Variants in TTBK1 observed in about 807,000 individuals in gnomAD.
The protein encoded by TTBK1 is tau-tubulin kinase 1.
Under a neutral mutation model 108.5 loss-of-function variants are expected in TTBK1, and 34 were observed. The ratio of observed to expected loss-of-function variants is 0.31; its 90% CI spans 0.24 to 0.42. TTBK1 has a LOEUF of 0.42. TTBK1 is among the 10% of genes least tolerant of loss of function. TTBK1 has a pLI of 1.00. For missense variants in TTBK1, 1,539 were observed against 1,826.0 expected (o/e 0.84, Z 2.86); for synonymous variants, 809 against 795.1 (o/e 1.02, Z -0.29).
chr6:43,282,737 T>C lies in TTBK1; in HGVS notation c.1997T>C (p.Val666Ala). 6.2e-7 allele frequency: 1 copy of C among 1,604,412 alleles called. No homozygotes were observed. The change falls in exon 14 of 15, where the codon GTG becomes GCG. Residue 666 changes from valine to alanine, a missense_variant. By Grantham distance (64) the Val-to-Ala change is moderately conservative. Around this residue, in one of 5 missense-constraint regions of TTBK1, gnomAD observed 1,055 missense variants for 1,086.5 expected, o/e 0.97. Transcript: ENST00000259750. This position sits in a 1 kb window ranked among gnomAD's most constrained non-coding sequence, Gnocchi z 5.4. ...GTATGCCCCTTGCAGGTGTTCTCCG[T>C]GGCGCCCCCATTTGAGGTGAATGGC... Reference protein sequence around the residue: ...PTGPQRQVFSVAPPFEVNGLP... With the variant: ...PTGPQRQVFSAAPPFEVNGLP...
chr6:43,274,080 T>C (rs573435631), intron 13 of TTBK1, among the ~76,000 whole-genome samples: 1 of 152,252 alleles, frequency 6.6e-6, no homozygotes, highest in South Asian at 2.1e-4. Context: ...ATTTTCTCCA[T>C]GGGAGAGGGT....
chr6:43,285,041 C>T lies in TTBK1; in HGVS notation c.3631C>T (p.Pro1211Ser), dbSNP rs767538421. ...TGCTGCTGACCTCCGCCCCAAACAACCTCCTGGCCGCGGCCTGGGCCCAGG... is the reference window on the plus strand; with the variant it reads ...TGCTGCTGACCTCCGCCCCAAACAATCTCCTGGCCGCGGCCTGGGCCCAGG... Reference protein sequence around the residue: ...ATAADLRPKQPPGRGLGPGRA... With the variant: ...ATAADLRPKQSPGRGLGPGRA... The change falls in exon 15 of 15, where the codon CCT (proline) becomes TCT (serine). Residue 1211 changes from proline (P) to serine (S), a missense_variant. Transcript: ENST00000259750. The surrounding 1 kb of genome is among the most constrained non-coding windows in gnomAD (Gnocchi z 4.7). 7.9e-6 allele frequency: 12 copies of T among 1,513,508 alleles called. No individual in the cohort carries two copies. In the South Asian group the frequency reaches 1.5e-4, roughly 18 times the overall value. The allele number at this position is 1,513,508 out of a possible 1,614,324, so 93.8% of individuals were successfully genotyped here.
chr6:43,269,839 A>T lies in TTBK1; in HGVS notation c.1986+6489A>T. On this transcript the variant is annotated intron_variant, in intron 13 of 14. Coordinates refer to ENST00000259750, the MANE Select transcript of TTBK1 (RefSeq NM_032538.3). This position sits in a 1 kb window ranked among gnomAD's most constrained non-coding sequence, Gnocchi z 4.8. ...GAGAGCAGCCCTGTGCGGGCGCCCC[A>T]CCGGCGCCACGCGCCCCTCGCTGCT... 1 of 1,534,780 alleles carries T rather than the reference A, an allele frequency of 6.5e-7. No homozygotes were observed. Among genetic ancestry groups the T allele is most frequent in the Admixed American group, 2.0e-5 (1 of 50,834 alleles).
At chr6:43,277,057 C>G (rs890041245) in intron 13 of TTBK1, among the ~76,000 whole-genome samples, 1 of 152,180 alleles carries the variant, frequency 6.6e-6, no homozygotes, top group African/African-American at 2.4e-5. Flanking sequence ...GTGATCAGTT[C>G]TGTATGGGAT....
intron 13 of TTBK1, among the ~76,000 whole-genome samples, chr6:43,277,973 G>A (rs1270707552): frequency 6.6e-6 from 1 of 151,866 alleles, no homozygotes; most frequent in African/African-American, 2.4e-5. Context: ...TAGGAGGAGT[G>A]GGGAGCCAGG....
rs1777759338 is a variant in TTBK1, at chr6:43,269,228, G to A, written c.1986+5878G>A. Among the ~76,000 whole-genome samples, 1 of 152,342 alleles carries A rather than the reference G, an allele frequency of 6.6e-6. No individual in the cohort carries two copies. The highest frequency in any genetic ancestry group is 2.4e-5 in the African/African-American group (1 of 41,578). ...GCCCTAATGAGTAGCACGGAATCTA[G>A]CTGGGGAGACATGCCACACACAGCT... On this transcript the variant is annotated intron_variant, in intron 13 of 14. Transcript: ENST00000259750. This position sits in a 1 kb window ranked among gnomAD's most constrained non-coding sequence, Gnocchi z 4.8.
chr6:43,263,169 C>T lies in TTBK1; in HGVS notation c.1805C>T (p.Ala602Val), dbSNP rs776525463. The part of the protein sequence containing the change: ...TVRPRGRSMQ[A>V]LAEEDLQHLP... ...CGGCCCCGGGGACGCAGCATGCAGG[C>T]GCTGGCGGAGGAGGACCTGCAGCAT... The change falls in exon 13 of 15, where the codon GCG becomes GTG. Residue 602 changes from alanine (A) to valine (V), a missense_variant. Ala to Val is a moderately conservative substitution (Grantham distance 64). Around this residue, in one of 5 missense-constraint regions of TTBK1, gnomAD observed 1,055 missense variants for 1,086.5 expected, o/e 0.97. Coordinates refer to ENST00000259750, the MANE Select transcript of TTBK1 (RefSeq NM_032538.3). This position sits in a 1 kb window ranked among gnomAD's most constrained non-coding sequence, Gnocchi z 4.7. 1.8e-5 allele frequency: 29 copies of T among 1,574,582 alleles called. No homozygotes were observed. The highest frequency in any genetic ancestry group is 1.8e-4 in the Middle Eastern group (1 of 5,676).
At chr6:43,278,764 G>A (rs1778073303) in intron 13 of TTBK1, among the ~76,000 whole-genome samples, 2 of 152,202 alleles carry the variant, frequency 1.3e-5, no homozygotes, top group South Asian at 4.1e-4. Context: ...ATTCAGGAGA[G>A]GCAGGGAGAC....
At chr6:43,251,274 G>A (rs1405672936) in intron 2 of TTBK1, among the ~76,000 whole-genome samples, 1 of 152,178 alleles carries the variant, frequency 6.6e-6, no homozygotes, top group Non-Finnish European at 1.5e-5. Flanking sequence ...CGTTCGGGGC[G>A]GGTTCAGAGA....
Position 43,283,312 on chromosome 6 carries a change from G to T in TTBK1, c.2572G>T (p.Asp858Tyr), listed in dbSNP as rs761017615. ...PVTAELAPDPDLGTLAALTPQ... is the reference protein window; with the variant it reads ...PVTAELAPDPYLGTLAALTPQ... ...CACTGCCGAACTGGCCCCCGACCCC[G>T]ACCTGGGCACCCTGGCTGCCCTCAC... Residue 858 changes from aspartate to tyrosine, a missense_variant, in exon 14 of 15, where the codon GAC (aspartate) becomes TAC (tyrosine). Physicochemically the swap from Asp to Tyr is radical, Grantham distance 160. Around this residue, in one of 5 missense-constraint regions of TTBK1, gnomAD observed 1,055 missense variants for 1,086.5 expected, o/e 0.97. Coordinates refer to ENST00000259750, the MANE Select transcript of TTBK1 (RefSeq NM_032538.3). The surrounding 1 kb of genome is among the most constrained non-coding windows in gnomAD (Gnocchi z 8.1). The T allele has an allele frequency of 6.3e-7, 1 of 1,581,452 alleles. No homozygotes were observed. Among genetic ancestry groups the T allele is most frequent in the African/African-American group, 1.3e-5 (1 of 74,106 alleles).
At chr6:43,280,684 ATG>A (rs1778132407) in intron 13 of TTBK1, among the ~76,000 whole-genome samples, 4 of 152,210 alleles carry the variant, frequency 2.6e-5, no homozygotes, top group African/African-American at 9.6e-5. Context: ...AAATACACGC[ATG>A]TAGGACAATA....
Position 43,282,942 on chromosome 6 carries a change from A to AGAGGAGGAG in TTBK1, c.2211_2219dup (p.Glu738_Glu740dup), listed in dbSNP as rs752058712. The AGAGGAGGAG allele has an allele frequency of 5.7e-6, 9 of 1,579,972 alleles. No individual in the cohort carries two copies. In the East Asian group the frequency reaches 6.7e-5, roughly 12 times the overall value. ...AGCCTCAGGCTAATGGGAAGGAGGA[A>AGAGGAGGAG]GAGGAGGAGGAGGAGGAAGATGAGG... On this transcript the variant is annotated inframe_insertion, in exon 14 of 15. Coordinates refer to ENST00000259750, the MANE Select transcript of TTBK1 (RefSeq NM_032538.3). The surrounding 1 kb of genome is among the most constrained non-coding windows in gnomAD (Gnocchi z 5.4).
rs1362091715 is a variant in TTBK1, at chr6:43,265,320, T to G, written c.1986+1970T>G. Among the ~76,000 whole-genome samples, 1 of 152,122 alleles carries G rather than the reference T, an allele frequency of 6.6e-6. No homozygotes were observed. Among genetic ancestry groups the G allele is most frequent in the African/African-American group, 2.4e-5 (1 of 41,444 alleles). Reference sequence around the variant, plus strand: ...ATGGGTGCCCTGGGAAAAGCAGCTGTGGGCAGGAGTGTATGCAGACCCCAT... The same window carrying G: ...ATGGGTGCCCTGGGAAAAGCAGCTGGGGGCAGGAGTGTATGCAGACCCCAT... On this transcript the variant is annotated intron_variant, in intron 13 of 14. Transcript: ENST00000259750. The surrounding 1 kb of genome is among the most constrained non-coding windows in gnomAD (Gnocchi z 4.1).
Position 43,283,006 on chromosome 6 carries a change from G to A in TTBK1, c.2266G>A (p.Glu756Lys), listed in dbSNP as rs774390909. ...EEDEEEEEEEEEEEEEEEEEE... is the reference protein window; with the variant it reads ...EEDEEEEEEEKEEEEEEEEEE... ...GGATGAGGAAGAAGAAGAGGAGGAAGAGGAAGAGGAGGAGGAAGAAGAGGA... is the reference window on the plus strand; with the variant it reads ...GGATGAGGAAGAAGAAGAGGAGGAAAAGGAAGAGGAGGAGGAAGAAGAGGA... Residue 756 changes from glutamate (E) to lysine (K), a missense_variant, in exon 14 of 15, where the codon GAG (glutamate) becomes AAG (lysine). Physicochemically the swap from Glu to Lys is moderately conservative, Grantham distance 56. Transcript: ENST00000259750. The surrounding 1 kb of genome is among the most constrained non-coding windows in gnomAD (Gnocchi z 8.1). The A allele has an allele frequency of 3.1e-6, 5 of 1,596,728 alleles. No homozygotes were observed. In the East Asian group the frequency reaches 9.0e-5, roughly 29 times the overall value.
At chr6:43,271,616 G>C (rs1341261789) in intron 13 of TTBK1, 2 of 985,138 alleles carry the variant, frequency 2.0e-6, no homozygotes, top group Non-Finnish European at 2.4e-6. Flanking sequence ...GCCCCTGCCT[G>C]GGGGTGCCAT....
At position 43,269,768 on chromosome 6, in the gene TTBK1, C is replaced by T; in HGVS notation, c.1986+6418C>T. ...ATTACCCTCACCCCGGCGGCGGCGG[C>T]TCCTCGGGCTCCTCCGGTTCCCTCA... On this transcript the variant is annotated intron_variant, in intron 13 of 14. Coordinates refer to ENST00000259750, the MANE Select transcript of TTBK1 (RefSeq NM_032538.3). The surrounding 1 kb of genome is among the most constrained non-coding windows in gnomAD (Gnocchi z 4.8). The T allele has an allele frequency of 6.3e-7, 1 of 1,588,644 alleles. No individual in the cohort carries two copies. The highest frequency in any genetic ancestry group is 8.5e-7 in the Non-Finnish European group (1 of 1,172,088).
At chr6:43,270,450 T>TGC in intron 13 of TTBK1, 1 of 992,986 alleles carries the variant, frequency 1.0e-6, no homozygotes, top group Non-Finnish European at 1.2e-6. Context: ...TGTGTGTGTG[T>TGC]GTGTGTGTCC....
At chr6:43,262,305 G>A (rs565836935) in intron 12 of TTBK1, among the ~76,000 whole-genome samples, 5 of 152,290 alleles carry the variant, frequency 3.3e-5, no homozygotes, top group African/African-American at 1.2e-4. Flanking sequence ...CAGCCAGGCA[G>A]GCCTGGAGGG....
intron 2 of TTBK1, among the ~76,000 whole-genome samples, chr6:43,250,697 G>A (rs573169986): frequency 6.6e-6 from 1 of 152,158 alleles, no homozygotes; most frequent in Non-Finnish European, 1.5e-5. Context: ...TGTGGGGCAA[G>A]GTATTGCATT....
Sources: allele counts gnomAD v4.1 joint callset (sites outside exome capture counted in the v4.1 genomes callset), GRCh38; gene constraint gnomAD v4.1.1; regional missense constraint gnomAD v4.1.1; non-coding constraint Gnocchi (gnomAD v3.1); transcripts MANE v1.5; gene names NCBI Gene and HGNC (gene_info 2026-07-23, HGNC 2026-07-21).